The following CNBD1 variants were observed in gnomAD, a reference collection of about 807,000 sequenced individuals.
The protein encoded by CNBD1 is cyclic nucleotide-binding domain-containing protein 1.
In CNBD1, 71 loss-of-function variants were observed where a neutral mutation model predicts 54.4. That is an observed-to-expected ratio of 1.30 (90% CI 1.08 to 1.59). CNBD1 has a LOEUF of 1.59. Among genes scored for constraint, CNBD1 ranks in the 40% most tolerant of loss-of-function variants. The pLI is 0.00. For synonymous variants in CNBD1, 182 were observed against 170.7 expected (o/e 1.07, Z -0.51); for missense variants, 659 against 518.0 (o/e 1.27, Z -2.64).
rs116336337 is a variant in CNBD1 at position 87,078,588 on chromosome 8, T to G, written c.432-127405T>G. Among the ~76,000 whole-genome samples, 1,438 of 152,336 alleles carry G rather than the reference T, an allele frequency of 9.4e-3. 23 individuals are homozygous for G. The highest frequency in any genetic ancestry group is 0.032 in the African/African-American group (1,338 of 41,584). On this transcript the variant is annotated intron_variant, in intron 4 of 10. Transcript: ENST00000518476. Reference sequence around the variant, plus strand: ...TACTTCCTTATCAAAGATACTCATATGCTTGATTTTCTCCATTTACGAGGA... The same window carrying G: ...TACTTCCTTATCAAAGATACTCATAGGCTTGATTTTCTCCATTTACGAGGA...
chr8:87,301,061 C>G (rs2130882085), intron 8 of CNBD1, among the ~76,000 whole-genome samples: 1 of 152,196 alleles, frequency 6.6e-6, no homozygotes, highest in Admixed American at 6.6e-5. Context: ...CTCAAGGCTA[C>G]TATGAACACC....
At chr8:87,411,586 G>C (rs1406604990) in intron 2 of CNBD1, among the ~76,000 whole-genome samples, 5 of 149,950 alleles carry the variant, frequency 3.3e-5, no homozygotes, top group Non-Finnish European at 7.4e-5. Context: ...ATTTATTGAA[G>C]TTTTATGTAT....
chr8:87,374,851 T>G (rs1253239273), intron 10 of CNBD1, among the ~76,000 whole-genome samples: 1 of 151,840 alleles, frequency 6.6e-6, no homozygotes, highest in Non-Finnish European at 1.5e-5. Flanking sequence ...TTGGACTTTG[T>G]GTAAGTGACA....
At chr8:87,049,693 G>A (rs796638313) in intron 4 of CNBD1, among the ~76,000 whole-genome samples, 1 of 152,174 alleles carries the variant, frequency 6.6e-6, no homozygotes, top group Non-Finnish European at 1.5e-5. Context: ...AAAGTGCAGG[G>A]TTTAGGCAAG....
At chr8:86,940,132 C>CTTTTTTTTTCTTTTTT in intron 4 of CNBD1, among the ~76,000 whole-genome samples, 1 of 88,742 alleles carries the variant, frequency 1.1e-5, no homozygotes, top group Non-Finnish European at 2.0e-5. Context: ...CCACATGTTA[C>CTTTTTTTTTCTTTTTT]TTTTTTTTTT....
chr8:87,321,941 T>G (rs903942281), intron 8 of CNBD1, among the ~76,000 whole-genome samples: 2 of 148,582 alleles, frequency 1.3e-5, no homozygotes, highest in African/African-American at 5.0e-5. Context: ...CTCCCAATGC[T>G]ATGCCTCCCC....
intron 4 of CNBD1, among the ~76,000 whole-genome samples, chr8:87,049,041 C>T (rs1033673653): frequency 1.3e-5 from 2 of 152,146 alleles, no homozygotes; most frequent in African/African-American, 4.8e-5. Context: ...AAAGTGTATC[C>T]TTGAGATGTG....
At chr8:87,185,891 A>G (rs1382991713) in intron 4 of CNBD1, among the ~76,000 whole-genome samples, 1 of 152,062 alleles carries the variant, frequency 6.6e-6, no homozygotes, top group Non-Finnish European at 1.5e-5. Flanking sequence ...TGTCTCCTCA[A>G]TTAAGGAAAC....
At chr8:87,370,104 C>T (rs1321875035) in intron 10 of CNBD1, among the ~76,000 whole-genome samples, 1 of 151,882 alleles carries the variant, frequency 6.6e-6, no homozygotes, top group Non-Finnish European at 1.5e-5. Context: ...ATATGTGCCA[C>T]ATTTTCTTAA....
chr8:87,189,978 A>G (rs1813563570), intron 4 of CNBD1, among the ~76,000 whole-genome samples: 1 of 152,232 alleles, frequency 6.6e-6, no homozygotes, highest in Non-Finnish European at 1.5e-5. Flanking sequence ...TACATAGAAA[A>G]AAATGATATT....
intron 10 of CNBD1, among the ~76,000 whole-genome samples, chr8:87,364,392 T>G (rs182775001): frequency 1.5e-4 from 23 of 151,930 alleles, no homozygotes; most frequent in Non-Finnish European, 3.2e-4. Flanking sequence ...TTTGCTCGAG[T>G]TTGGCTTTTA....
In CNBD1 at chr8:87,009,182, TATA is replaced by T. The variant is rs541382934; in HGVS notation, c.431+69433_431+69435del. ...TAGTGCCTTTATACTTCTAGAAAAT[TATA>T]ATAAGCTTAAAATAGTTTAATGCCT... On this transcript the variant is annotated intron_variant, in intron 4 of 10. Transcript: ENST00000518476. Among the ~76,000 whole-genome samples the T allele has an allele frequency of 1.6e-3, 238 of 152,270 alleles. 3 individuals carry two copies. Among genetic ancestry groups the T allele is most frequent in the African/African-American group, 4.9e-3 (202 of 41,576 alleles).
At chr8:87,408,800 C>G (rs377660201) in intron 2 of CNBD1, among the ~76,000 whole-genome samples, 11 of 152,066 alleles carry the variant, frequency 7.2e-5, no homozygotes, top group African/African-American at 2.7e-4. Context: ...TTATCGTGAT[C>G]TGGGATTAGT....
chr8:87,150,038 G>T (rs913718799), intron 4 of CNBD1, among the ~76,000 whole-genome samples: 1 of 152,044 alleles, frequency 6.6e-6, no homozygotes, highest in Non-Finnish European at 1.5e-5. Flanking sequence ...TTAGCCTGGC[G>T]TGGTGGCGGG....
In CNBD1 at chr8:87,281,015, T is replaced by C. The variant is rs1585980493; in HGVS notation, c.772-3663T>C. On this transcript the variant is annotated intron_variant, in intron 6 of 10. Coordinates refer to ENST00000518476, the MANE Select transcript of CNBD1 (RefSeq NM_173538.3). ...GACTGAGCTATAAAGTAAATAGCTT[T>C]ATAGTGTTGTCTCATTTAAGAACTG... 2.0e-5 allele frequency among the ~76,000 whole-genome samples: 3 copies of C among 151,572 alleles called. No homozygotes were observed. In the South Asian group the frequency reaches 6.2e-4, roughly 31 times the overall value.
intron 4 of CNBD1, among the ~76,000 whole-genome samples, chr8:87,158,611 C>T (rs1432771137): frequency 2.0e-5 from 3 of 152,122 alleles, no homozygotes; most frequent in Admixed American, 1.3e-4. Context: ...ATCTCATCAA[C>T]TTTATGCAGT....
intron 10 of CNBD1, among the ~76,000 whole-genome samples, chr8:87,375,767 G>T (rs1475839561): frequency 2.6e-5 from 4 of 151,854 alleles, no homozygotes; most frequent in African/African-American, 4.8e-5. Flanking sequence ...TATATGAGAA[G>T]TTAAATTTGA....
chr8:87,047,628 C>T (rs951932873), intron 4 of CNBD1, among the ~76,000 whole-genome samples: 1 of 152,194 alleles, frequency 6.6e-6, no homozygotes, highest in South Asian at 2.1e-4. Context: ...TCTGCTTTTC[C>T]ACTCAGGAGG....
intron 8 of CNBD1, among the ~76,000 whole-genome samples, chr8:87,328,186 C>T (rs894286886): frequency 6.6e-6 from 1 of 152,066 alleles, no homozygotes; most frequent in Middle Eastern, 3.4e-3. Context: ...CTCCCTGTGT[C>T]CATTGTTCGA....
Sources: gnomAD v4.1 joint callset for allele counts (sites outside exome capture counted in the v4.1 genomes callset) on GRCh38, gnomAD v4.1.1 for gene constraint, MANE v1.5 for transcripts, NCBI Gene and HGNC (gene_info 2026-07-23, HGNC 2026-07-21) for gene names.